Variants in SHANK1 observed in about 807,000 individuals in gnomAD.
SHANK1 encodes the protein SH3 and multiple ankyrin repeat domains 1.
Under a neutral mutation model 165.6 loss-of-function variants are expected in SHANK1, and 35 were observed. The observed-to-expected ratio is 0.21, with a 90% confidence interval of 0.16 to 0.28. The LOEUF is 0.28. SHANK1 is among the 10% of genes least tolerant of loss of function. SHANK1 has a pLI of 1.00. For synonymous variants in SHANK1, 1,428 were observed against 1,384.8 expected, an observed-to-expected ratio of 1.03 and a Z score of -0.69; for missense variants, 2,681 against 3,036.4, an observed-to-expected ratio of 0.88 and a Z score of 2.75.
chr19:50,672,330 G>T (rs929995293), intron 21 of SHANK1, among the ~76,000 whole-genome samples: 1 of 152,110 alleles, frequency 6.6e-6, no homozygotes, highest in African/African-American at 2.4e-5. Flanking sequence ...AGGATCACCT[G>T]AGGTCAGGAG....
chr19:50,718,671 G>T lies in SHANK1; in HGVS notation c.-44+735C>A, dbSNP rs898799253. Among the ~76,000 whole-genome samples the T allele has an allele frequency of 1.3e-5, 2 of 152,006 alleles. No individual in the cohort carries two copies. Among genetic ancestry groups the T allele is most frequent in the East Asian group, 3.9e-4 (2 of 5,138 alleles). On this transcript the variant is annotated intron_variant, in intron 1 of 23. Coordinates refer to ENST00000293441, the MANE Select transcript of SHANK1 (RefSeq NM_016148.5). This position sits in a 1 kb window ranked among gnomAD's most constrained non-coding sequence, Gnocchi z 5.1. ...GAGAGGGGGTGCCCTGGGAGGCTGT[G>T]GGGGGACAGGGGGCGGCTGGCGTGG...
At chr19:50,711,748 T>G (rs573454943) in intron 7 of SHANK1, among the ~76,000 whole-genome samples, 199 bp downstream of exon 7, 1 of 152,138 alleles carries the variant, frequency 6.6e-6, no homozygotes, top group African/African-American at 2.4e-5. Context: ...CTCTCAGGGG[T>G]CAAGGCATCA....
At position 50,716,936 on chromosome 19, in the gene SHANK1, G is replaced by A. The variant is rs1442917642; in HGVS notation, c.-17C>T. 3.5e-6 allele frequency: 5 copies of A among 1,420,688 alleles called. No individual in the cohort carries two copies. The highest frequency in any genetic ancestry group is 2.3e-4 in the Middle Eastern group (1 of 4,296). The allele number at this position is 1,420,688 out of a possible 1,614,324, so 88.0% of individuals were successfully genotyped here. ...GTGGGTCATTGTGGGGCCACGGGGC[G>A]ACGGGGGACGGCAGCATCACAGGCG... On this transcript the variant is annotated 5_prime_UTR_variant, in exon 2 of 24. Transcript: ENST00000293441. This position sits in a 1 kb window ranked among gnomAD's most constrained non-coding sequence, Gnocchi z 8.4.
chr19:50,671,942 A>G (rs1985806299), intron 22 of SHANK1, 76 bp downstream of exon 22: 2 of 1,096,506 alleles, frequency 1.8e-6, no homozygotes, highest in South Asian at 1.3e-5. Flanking sequence ...AACATTTCCA[A>G]GTCTGCTTGC....
rs377042429 is a variant in SHANK1 at position 50,697,998 on chromosome 19, G to C, written c.1748-42C>G. 2.8e-5 allele frequency: 40 copies of C among 1,412,670 alleles called. No individual in the cohort carries two copies. In the African/African-American group the frequency reaches 5.1e-4, roughly 18 times the overall value. 87.5% of individuals were successfully genotyped at this position (1,412,670 alleles called of 1,614,324 possible). On this transcript the variant is annotated intron_variant, in intron 12 of 23. Transcript: ENST00000293441. This position sits in a 1 kb window ranked among gnomAD's most constrained non-coding sequence, Gnocchi z 4.7. ...GACATAGAGACATTTCTGTGTTTCT[G>C]TGCTGCCCCTCAACTGCCAACACAC...
rs1023071616 is a variant in SHANK1, at chr19:50,679,951, GAGAC to G, written c.2577+6282_2577+6285del. 4.1e-4 allele frequency among the ~76,000 whole-genome samples: 62 copies of G among 151,976 alleles called. No homozygotes were observed. In the East Asian group the frequency reaches 0.01, roughly 26 times the overall value. Reference sequence around the variant, plus strand: ...GCAGAGATAGGGAGACAGAGATAGAGAGACAGAGAGACAAAGGCAGAGATGGGGA... The same window carrying G: ...GCAGAGATAGGGAGACAGAGATAGAGAGAGAGACAAAGGCAGAGATGGGGA... On this transcript the variant is annotated intron_variant, in intron 21 of 23. Coordinates refer to ENST00000293441, the MANE Select transcript of SHANK1 (RefSeq NM_016148.5).
Position 50,661,459 on chromosome 19 carries a change from G to A in SHANK1, c.*506C>T, listed in dbSNP as rs1010951015. Among the ~76,000 whole-genome samples the A allele has an allele frequency of 1.1e-4, 17 of 151,532 alleles. No individual in the cohort carries two copies. The highest frequency in any genetic ancestry group is 3.9e-4 in the African/African-American group (16 of 41,214). The stretch of plus-strand genomic sequence containing the variant: ...GAGAGAGGTGAGCAGGCGTGCAACG[G>A]AGCGTGCAAGAGGCTGAGGGGGGCA... On this transcript the variant is annotated 3_prime_UTR_variant, in exon 24 of 24. Coordinates refer to ENST00000293441, the MANE Select transcript of SHANK1 (RefSeq NM_016148.5).
chr19:50,669,042 G>T lies in SHANK1; in HGVS notation c.2918C>A (p.Pro973His). The change falls in exon 23 of 24, where the codon CCC (proline) becomes CAC (histidine). Residue 973 changes from proline (P) to histidine (H), a missense_variant. By Grantham distance (77) the Pro-to-His change is moderately conservative (BLOSUM62 -2). Transcript: ENST00000293441. ...PASSPASFDG[P>H]SPPDTRVGSR... ...CCCCACGCGAGTGTCGGGAGGGGAG[G>T]GCCCGTCAAAGGATGCAGGGGAGGA... 1 of 896,020 alleles carries T rather than the reference G, an allele frequency of 1.1e-6. No individual in the cohort carries two copies. The highest frequency in any genetic ancestry group is 1.7e-6 in the Non-Finnish European group (1 of 604,750). 55.5% of individuals were successfully genotyped at this position (896,020 alleles called of 1,614,324 possible).
At position 50,700,862 on chromosome 19, in the gene SHANK1, C is replaced by G. The variant is rs539827580; in HGVS notation, c.1747+1605G>C. On this transcript the variant is annotated intron_variant, in intron 12 of 23. Coordinates refer to ENST00000293441, the MANE Select transcript of SHANK1 (RefSeq NM_016148.5). ...TCCCAGGCAGCTGGCCCTGAAGGAGCTGCACCTGGCCCCCACAGTAGCTCC... is the reference window on the plus strand; with the variant it reads ...TCCCAGGCAGCTGGCCCTGAAGGAGGTGCACCTGGCCCCCACAGTAGCTCC... Among the ~76,000 whole-genome samples, 4 of 152,230 alleles carry G rather than the reference C, an allele frequency of 2.6e-5. No homozygotes were observed. In the East Asian group the frequency reaches 7.7e-4, roughly 29 times the overall value.
intron 8 of SHANK1, among the ~76,000 whole-genome samples, chr19:50,708,454 C>G (rs955105671): frequency 1.3e-5 from 2 of 152,184 alleles, no homozygotes; most frequent in African/African-American, 2.4e-5. Context: ...TTTGCTTACA[C>G]GTCTGCCTCC....
rs35345246 is a variant in SHANK1 at position 50,707,884 on chromosome 19, T to TTC, written c.1078-3372_1078-3371dup. Among the ~76,000 whole-genome samples the TTC allele has an allele frequency of 1.5e-3, 5 of 3,334 alleles. 1 individual carries two copies. The highest frequency in any genetic ancestry group is 4.4e-3 in the African/African-American group (1 of 228). 2.2% of individuals were successfully genotyped at this position (3,334 alleles called of 152,430 possible). A position where few individuals can be genotyped will look rare whatever the true frequency, so the allele number is the denominator to read the frequency against. On this transcript the variant is annotated intron_variant, in intron 8 of 23. Coordinates refer to ENST00000293441, the MANE Select transcript of SHANK1 (RefSeq NM_016148.5). ...ATGTGTACTTTTGCGTGTTTTTCTT[T>TTC]TCTTTTCTTTTCTTTTCTTTTCTTT...
intron 12 of SHANK1, among the ~76,000 whole-genome samples, chr19:50,698,338 C>G (rs184843915): frequency 6.0e-4 from 91 of 152,254 alleles, no homozygotes; most frequent in African/African-American, 2.1e-3. Context: ...TCTACCTCAC[C>G]CTCCCATCAC....
chr19:50,704,065 A>G, intron 10 of SHANK1, 55 bp downstream of exon 10: 1 of 1,574,672 alleles, frequency 6.4e-7, no homozygotes, highest in Non-Finnish European at 8.7e-7. Flanking sequence ...CCATCCCACC[A>G]TGAAACCTCA....
intron 21 of SHANK1, among the ~76,000 whole-genome samples, chr19:50,677,706 C>A (rs1356035896): frequency 1.3e-5 from 2 of 152,150 alleles, no homozygotes; most frequent in Admixed American, 6.6e-5. Context: ...TGGCGAGCAA[C>A]TCCAGGGCAA....
Position 50,686,427 on chromosome 19 carries a change from C to T in SHANK1, c.2459-72G>A. On this transcript the variant is annotated intron_variant, in intron 20 of 23. Transcript: ENST00000293441. The surrounding 1 kb of genome is among the most constrained non-coding windows in gnomAD (Gnocchi z 5.7). ...TTTGCTTTGACCCGGGCCGCAAAGA[C>T]CAGAGCTGCCGCCCGCAGTTCATCC... 3 of 1,104,982 alleles carry T rather than the reference C, an allele frequency of 2.7e-6. No individual in the cohort carries two copies. Among genetic ancestry groups the T allele is most frequent in the Non-Finnish European group, 4.0e-6 (3 of 756,042 alleles). 68.4% of individuals were successfully genotyped at this position (1,104,982 alleles called of 1,614,324 possible).
intron 12 of SHANK1, among the ~76,000 whole-genome samples, chr19:50,698,490 C>A (rs534866336): frequency 3.3e-5 from 5 of 152,298 alleles, no homozygotes; most frequent in African/African-American, 9.6e-5. Context: ...TCTCCCTCTC[C>A]CCTAATGGAA....
Position 50,716,602 on chromosome 19 carries a change from G to A in SHANK1, c.255+63C>T. On this transcript the variant is annotated intron_variant, in intron 2 of 23. Coordinates refer to ENST00000293441, the MANE Select transcript of SHANK1 (RefSeq NM_016148.5). The surrounding 1 kb of genome is among the most constrained non-coding windows in gnomAD (Gnocchi z 8.4). Reference sequence around the variant, plus strand: ...CCTGGGAGGATACCCAGCACCAGTGGACTCCCCATGTCGGTTGGGGCACTG... The same window carrying A: ...CCTGGGAGGATACCCAGCACCAGTGAACTCCCCATGTCGGTTGGGGCACTG... 2.6e-6 allele frequency: 4 copies of A among 1,554,458 alleles called. No individual in the cohort carries two copies. Among genetic ancestry groups the A allele is most frequent in the South Asian group, 1.2e-5 (1 of 81,268 alleles).
intron 21 of SHANK1, among the ~76,000 whole-genome samples, chr19:50,676,674 T>C (rs967244217): frequency 6.6e-6 from 1 of 152,186 alleles, no homozygotes; most frequent in African/African-American, 2.4e-5. Context: ...ATCATCATTA[T>C]TTGCTTGCTT....
intron 8 of SHANK1, among the ~76,000 whole-genome samples, chr19:50,709,013 C>G (rs1368078123): frequency 6.6e-6 from 1 of 152,182 alleles, no homozygotes; most frequent in African/African-American, 2.4e-5. Flanking sequence ...AAGCTTAAAG[C>G]CTGGGAGGAA....
Sources: allele counts gnomAD v4.1 joint callset (sites outside exome capture counted in the v4.1 genomes callset), GRCh38; gene constraint gnomAD v4.1.1; non-coding constraint Gnocchi (gnomAD v3.1); transcripts MANE v1.5; gene names NCBI Gene and HGNC (gene_info 2026-07-23, HGNC 2026-07-21).